Variants in COL23A1 observed in about 807,000 individuals in gnomAD.
COL23A1 encodes collagen alpha-1(XXIII) chain.
A neutral mutation model predicts 99.3 loss-of-function variants in COL23A1; 97 were observed. That is an observed-to-expected ratio of 0.98 (90% CI 0.83 to 1.16). The LOEUF is 1.16. Among genes scored for constraint, COL23A1 ranks in the 50% most tolerant of loss-of-function variants. The pLI is 0.00. For missense variants in COL23A1, 762 were observed against 757.4 expected (o/e 1.01, Z -0.07); for synonymous variants, 320 against 308.2 (o/e 1.04, Z -0.40).
chr5:178,540,894 T>C (rs544659550), intron 2 of COL23A1, among the ~76,000 whole-genome samples: 4 of 152,284 alleles, frequency 2.6e-5, no homozygotes, highest in Admixed American at 2.6e-4. Context: ...GTCTCTGAAC[T>C]CCAGCCTAGG....
intron 2 of COL23A1, among the ~76,000 whole-genome samples, chr5:178,424,970 G>A (rs953831029): frequency 2.6e-5 from 4 of 152,214 alleles, no homozygotes; most frequent in African/African-American, 9.7e-5. Context: ...TCAGGGAAGC[G>A]AGCGCCCAGG....
chr5:178,443,259 A>C (rs1766977233), intron 2 of COL23A1, among the ~76,000 whole-genome samples: 1 of 152,028 alleles, frequency 6.6e-6, no homozygotes, highest in East Asian at 1.9e-4. Flanking sequence ...GTGAGCTGCA[A>C]CTTCAGAGCC....
In COL23A1 at chr5:178,456,665, TC is replaced by T. The variant is rs1231633622; in HGVS notation, c.361+104016del. Among the ~76,000 whole-genome samples, 5 of 152,224 alleles carry T rather than the reference TC, an allele frequency of 3.3e-5. No homozygotes were observed. The East Asian group carries it at 9.7e-4, about 29-fold the overall frequency. On this transcript the variant is annotated intron_variant, in intron 2 of 28. Transcript: ENST00000390654. Reference sequence around the variant, plus strand: ...GTGAGCCGAGATCGCACCATTGCACTCCAGCCTGGGCAACAAGAGCGAAACT... The same window carrying T: ...GTGAGCCGAGATCGCACCATTGCACTCAGCCTGGGCAACAAGAGCGAAACT...
At chr5:178,523,143 A>AATATATATAT (rs34569306) in intron 2 of COL23A1, among the ~76,000 whole-genome samples, 37 of 106,194 alleles carry the variant, frequency 3.5e-4, no homozygotes, top group African/African-American at 1.0e-3. Context: ...TCTATTTAAA[A>AATATATATAT]ATATATATAT....
intron 2 of COL23A1, among the ~76,000 whole-genome samples, chr5:178,321,480 CTTTTTTTTTTTTTTTTTT>C: frequency 9.2e-6 from 1 of 109,026 alleles, no homozygotes; most frequent in South Asian, 3.3e-4. Context: ...GTCACCTTCC[CTTTTTTTTTTTTTTTTTT>C]TTTTTTTTGG....
At chr5:178,571,324 T>C (rs1763084105) in intron 1 of COL23A1, among the ~76,000 whole-genome samples, 1 of 152,012 alleles carries the variant, frequency 6.6e-6, no homozygotes, top group East Asian at 1.9e-4. Context: ...ATCGCACCAC[T>C]GCACTCCAGC....
At position 178,589,958 on chromosome 5, in the gene COL23A1, C is replaced by G. The variant is rs1307768777; in HGVS notation, c.240G>C (p.Pro80=). 4.5e-6 allele frequency: 6 copies of G among 1,327,630 alleles called. No individual in the cohort carries two copies. Among genetic ancestry groups the G allele is most frequent in the Non-Finnish European group, 5.7e-6 (6 of 1,046,184 alleles). The allele number at this position is 1,327,630 out of a possible 1,614,324, so 82.2% of individuals were successfully genotyped here. A position where few individuals can be genotyped will look rare whatever the true frequency, so the allele number is the denominator to read the frequency against. Residue 80 remains proline, a synonymous_variant, in exon 1 of 29, where the codon CCG becomes CCC. Transcript: ENST00000390654. The surrounding 1 kb of genome is among the most constrained non-coding windows in gnomAD (Gnocchi z 5.4). The part of the protein sequence containing the change: ...EERELLRRAG[P]PGALDAWAEP... ...CGGCCCAGGCGTCCAGGGCGCCTGG[C>G]GGCCCCGCGCGCCGCAGCAGCTCCC...
At chr5:178,363,509 C>T (rs1292909166) in intron 2 of COL23A1, among the ~76,000 whole-genome samples, 2 of 152,210 alleles carry the variant, frequency 1.3e-5, no homozygotes, top group Non-Finnish European at 1.5e-5. Flanking sequence ...TGACTATTAA[C>T]CAACCAGCTA....
intron 2 of COL23A1, among the ~76,000 whole-genome samples, chr5:178,504,214 C>T (rs4976786): frequency 3.9e-5 from 6 of 152,152 alleles, no homozygotes; most frequent in Admixed American, 1.3e-4. Flanking sequence ...CCCCGATTTC[C>T]GATATTCTCA....
intron 2 of COL23A1, among the ~76,000 whole-genome samples, chr5:178,347,879 CA>C (rs748111944): frequency 1.6e-3 from 73 of 44,564 alleles, no homozygotes; most frequent in Middle Eastern, 0.021. Flanking sequence ...GACTCTGTCT[CA>C]AAAAAAAAAA....
At chr5:178,348,558 C>A (rs748083) in intron 2 of COL23A1, among the ~76,000 whole-genome samples, 99,612 of 152,132 alleles carry the variant, frequency 0.65, 33,748 homozygotes, top group East Asian at 0.9. Flanking sequence ...CAGGCATACC[C>A]TCACAGCGGC....
chr5:178,488,533 T>C lies in COL23A1; in HGVS notation c.361+72149A>G, dbSNP rs555400550. Among the ~76,000 whole-genome samples the C allele has an allele frequency of 1.4e-4, 22 of 152,284 alleles. No homozygotes were observed. In the South Asian group the frequency reaches 2.3e-3, roughly 16 times the overall value. ...CAGACGCCAATTATATTCAATGTTTTCCTTAAAATGCAACATGAGACCTAT... is the reference window on the plus strand; with the variant it reads ...CAGACGCCAATTATATTCAATGTTTCCCTTAAAATGCAACATGAGACCTAT... On this transcript the variant is annotated intron_variant, in intron 2 of 28. Coordinates refer to ENST00000390654, the MANE Select transcript of COL23A1 (RefSeq NM_173465.4).
In COL23A1 at chr5:178,245,936, A is replaced by G. The variant is rs964503368; in HGVS notation, c.1440+6T>C. On this transcript the variant is annotated splice_donor_region_variant and intron_variant, in intron 25 of 28. Coordinates refer to ENST00000390654, the MANE Select transcript of COL23A1 (RefSeq NM_173465.4). ...CAATTACTCAAAGTGATGATAAGAC[A>G]CTTACATCTAGTCCTGGCTCCCCGG... 1.2e-6 allele frequency: 2 copies of G among 1,614,018 alleles called. No homozygotes were observed. Among genetic ancestry groups the G allele is most frequent in the African/African-American group, 1.3e-5 (1 of 74,934 alleles).
intron 2 of COL23A1, among the ~76,000 whole-genome samples, chr5:178,412,393 T>C (rs1370287320): frequency 1.3e-5 from 2 of 152,186 alleles, no homozygotes; most frequent in Non-Finnish European, 2.9e-5. Context: ...CCAGTTTTCA[T>C]TTTACATTTT....
chr5:178,358,138 GTGTGTGTATGTGTA>G (rs965654156), intron 2 of COL23A1, among the ~76,000 whole-genome samples: 3 of 148,894 alleles, frequency 2.0e-5, no homozygotes, highest in African/African-American at 7.5e-5. Context: ...TACGTCTAAT[GTGTGTGTATGTGTA>G]TGTGTGTATG....
At chr5:178,550,189 T>C (rs1251589672) in intron 2 of COL23A1, among the ~76,000 whole-genome samples, 1 of 152,234 alleles carries the variant, frequency 6.6e-6, no homozygotes, top group Non-Finnish European at 1.5e-5. Context: ...TAACTTCACT[T>C]AGTTTTTGCC....
At chr5:178,373,013 C>T (rs1762882901) in intron 2 of COL23A1, among the ~76,000 whole-genome samples, 1 of 150,332 alleles carries the variant, frequency 6.7e-6, no homozygotes, top group Non-Finnish European at 1.5e-5. Context: ...ACTGCAACCT[C>T]CATCTCCCAG....
intron 2 of COL23A1, among the ~76,000 whole-genome samples, chr5:178,360,564 C>T (rs1259804789): frequency 1.3e-5 from 2 of 152,228 alleles, no homozygotes; most frequent in Non-Finnish European, 2.9e-5. Context: ...TCAAATCCCT[C>T]ACTAGACTGC....
At chr5:178,269,652 A>G (rs73338894) in intron 6 of COL23A1, among the ~76,000 whole-genome samples, 14,307 of 140,872 alleles carry the variant, frequency 0.1, 1,239 homozygotes, top group African/African-American at 0.23. Flanking sequence ...TCACCAATCC[A>G]TTCATCCATC....
Sources: allele counts gnomAD v4.1 joint callset (sites outside exome capture counted in the v4.1 genomes callset), GRCh38; gene constraint gnomAD v4.1.1; non-coding constraint Gnocchi (gnomAD v3.1); transcripts MANE v1.5; gene names NCBI Gene and HGNC (gene_info 2026-07-23, HGNC 2026-07-21).